The following C1QTNF3 variants were observed in gnomAD, a reference collection of about 807,000 sequenced individuals.
C1QTNF3 encodes the protein C1q and TNF related 3, also known as complement C1q tumor necrosis factor-related protein 3.
In C1QTNF3, 26 loss-of-function variants were observed where a neutral mutation model predicts 32.6. The observed-to-expected ratio is 0.80, with a 90% CI of 0.58 to 1.11. The LOEUF (loss-of-function observed/expected upper bound fraction) is 1.11. C1QTNF3 is among the 50% of genes least tolerant of loss of function. The pLI is 0.00. For missense variants in C1QTNF3, 362 were observed against 398.2 expected (o/e 0.91, Z 0.77); for synonymous variants, 155 against 146.0 (o/e 1.06, Z -0.44).
At chr5:34,124,485 C>T in the C1QTNF3 span, 18 of 715,228 alleles carry the variant, frequency 2.5e-5, no homozygotes, top group African/African-American at 7.0e-5. Flanking sequence ...AGGCCCGTCA[C>T]GATGAGACCA....
chr5:34,198,634 A>T, the C1QTNF3 span, among the ~76,000 whole-genome samples: 3 of 74,650 alleles, frequency 4.0e-5, no homozygotes, highest in African/African-American at 1.9e-4. Context: ...GTGGTGTTTT[A>T]TTTCTTAGAT....
chr5:34,225,394 T>C, the C1QTNF3 span, among the ~76,000 whole-genome samples: 1 of 152,058 alleles, frequency 6.6e-6, no homozygotes, highest in Non-Finnish European at 1.5e-5. Context: ...TTTAGTGTAT[T>C]TTAGAAAATA....
the C1QTNF3 span, among the ~76,000 whole-genome samples, chr5:34,052,900 C>A: frequency 1.3e-5 from 2 of 152,120 alleles, no homozygotes; most frequent in Non-Finnish European, 2.9e-5. Flanking sequence ...AAAACAATTT[C>A]TTTTTTTAGT....
intron 5 of C1QTNF3, among the ~76,000 whole-genome samples, chr5:34,021,231 G>A (rs1754320341): frequency 6.6e-6 from 1 of 152,212 alleles, no homozygotes; most frequent in African/African-American, 2.4e-5. Flanking sequence ...CTGGCTCATG[G>A]TCAGGCAAGG....
chr5:34,069,293 ACTTTT>A, the C1QTNF3 span, among the ~76,000 whole-genome samples: 1 of 149,766 alleles, frequency 6.7e-6, no homozygotes, highest in African/African-American at 2.5e-5. Context: ...TTGAATTCTT[ACTTTT>A]CTTCATTTAC....
At chr5:34,073,085 T>A in the C1QTNF3 span, among the ~76,000 whole-genome samples, 1 of 152,190 alleles carries the variant, frequency 6.6e-6, no homozygotes, top group Non-Finnish European at 1.5e-5. Flanking sequence ...CCCAGCACTT[T>A]GGGAAGCCGT....
chr5:34,123,622 C>CTT, the C1QTNF3 span, among the ~76,000 whole-genome samples: 2 of 136,334 alleles, frequency 1.5e-5, no homozygotes, highest in East Asian at 4.2e-4. Flanking sequence ...AACAGATATG[C>CTT]TTTTTTTTTT....
At chr5:34,225,130 C>A in the C1QTNF3 span, among the ~76,000 whole-genome samples, 3 of 151,906 alleles carry the variant, frequency 2.0e-5, no homozygotes, top group African/African-American at 7.3e-5. Context: ...CAAATCATCA[C>A]TAAATAGCTC....
At chr5:34,227,303 G>C in the C1QTNF3 span, among the ~76,000 whole-genome samples, 5 of 151,282 alleles carry the variant, frequency 3.3e-5, no homozygotes, top group African/African-American at 1.2e-4. Flanking sequence ...ATTTTGTGCA[G>C]TTATGATTTA....
the C1QTNF3 span, among the ~76,000 whole-genome samples, chr5:34,050,065 T>C: frequency 6.6e-6 from 1 of 152,200 alleles, no homozygotes; most frequent in Non-Finnish European, 1.5e-5. Flanking sequence ...TTGATAATCA[T>C]GAAGAATAAT....
chr5:34,226,716 AAG>A, the C1QTNF3 span, among the ~76,000 whole-genome samples: 1 of 151,784 alleles, frequency 6.6e-6, no homozygotes, highest in Admixed American at 6.6e-5. Context: ...AAACTAAACT[AAG>A]AGCCTACTGT....
intron 3 of C1QTNF3, 67 bp downstream of exon 3, chr5:34,033,237 T>A: frequency 1.9e-6 from 3 of 1,556,330 alleles, no homozygotes; most frequent in Non-Finnish European, 2.6e-6. Flanking sequence ...TCGAACATCC[T>A]GATTCCTGGC....
the C1QTNF3 span, among the ~76,000 whole-genome samples, chr5:34,060,454 G>A: frequency 6.6e-6 from 1 of 152,284 alleles, no homozygotes; most frequent in East Asian, 1.9e-4. Flanking sequence ...AGAAAAGGCA[G>A]AGTAAAAATT....
the C1QTNF3 span, among the ~76,000 whole-genome samples, chr5:34,216,626 AG>A: frequency 6.6e-6 from 1 of 152,218 alleles, no homozygotes; most frequent in Non-Finnish European, 1.5e-5. Flanking sequence ...CCTAATCTCT[AG>A]AGGAGGTCCG....
chr5:34,035,877 T>G, intron 1 of C1QTNF3, 119 bp from the exon 2 acceptor site: 1 of 714,652 alleles, frequency 1.4e-6, no homozygotes, highest in Non-Finnish European at 2.3e-6. Context: ...CACAGCAAGA[T>G]CACAAAAGAT....
At chr5:34,197,464 C>A in the C1QTNF3 span, among the ~76,000 whole-genome samples, 2 of 152,138 alleles carry the variant, frequency 1.3e-5, no homozygotes, top group East Asian at 1.9e-4. Context: ...TACGGTCAAT[C>A]AATGGTAAAT....
chr5:34,049,534 A>G, the C1QTNF3 span, among the ~76,000 whole-genome samples: 1 of 152,216 alleles, frequency 6.6e-6, no homozygotes, highest in Non-Finnish European at 1.5e-5. Flanking sequence ...ACCTTGCTAT[A>G]CTGGCCTCCT....
upstream of C1QTNF3, among the ~76,000 whole-genome samples, chr5:34,046,964 A>T (rs1754996738): frequency 6.6e-6 from 1 of 152,218 alleles, no homozygotes; most frequent in South Asian, 2.1e-4. Context: ...CATTTTAAAC[A>T]TTGGTTTATT....
the C1QTNF3 span, among the ~76,000 whole-genome samples, chr5:34,195,552 A>C: frequency 6.6e-6 from 1 of 152,114 alleles, no homozygotes; most frequent in Non-Finnish European, 1.5e-5. Flanking sequence ...CTCAAAATTC[A>C]TATGATAGGC....
Sources: allele counts gnomAD v4.1 joint callset (sites outside exome capture counted in the v4.1 genomes callset), GRCh38; gene constraint gnomAD v4.1.1; transcripts MANE v1.5; gene names NCBI Gene and HGNC (gene_info 2026-07-23, HGNC 2026-07-21).